Variants in NBPF8 observed in about 807,000 individuals in gnomAD.
NBPF8 encodes NBPF member 8.
intron 11 of NBPF8, among the ~76,000 whole-genome samples, chr1:120,450,746 GT>G (rs1661244093): frequency 6.6e-6 from 1 of 152,092 alleles, no homozygotes. Context: ...TCGCATACTT[GT>G]CCTTGAAATT....
intron 21 of NBPF8, among the ~76,000 whole-genome samples, chr1:120,463,389 A>G (rs1256418770): frequency 9.0e-6 from 1 of 110,628 alleles, no homozygotes; most frequent in African/African-American, 4.2e-5. Context: ...CATCTGGGGC[A>G]TTTTCTTTGA....
intron 8 of NBPF8, among the ~76,000 whole-genome samples, chr1:120,446,249 C>T (rs1661158524): frequency 8.1e-6 from 1 of 123,494 alleles, no homozygotes; most frequent in Non-Finnish European, 1.7e-5. Flanking sequence ...TCCCTCCTTC[C>T]TTGATGGAAG....
intron 3 of NBPF8, among the ~76,000 whole-genome samples, chr1:120,430,436 A>G (rs2101557282): frequency 9.1e-6 from 1 of 110,026 alleles, no homozygotes; most frequent in Non-Finnish European, 1.9e-5. Flanking sequence ...TTAAAGTAAC[A>G]TCTAAATACA....
At chr1:120,422,716 A>G (rs1660609086) in intron 1 of NBPF8, among the ~76,000 whole-genome samples, 1 of 140,242 alleles carries the variant, frequency 7.1e-6, no homozygotes, top group Non-Finnish European at 1.5e-5. Context: ...TTTTGAATGA[A>G]CTTAAGTTTT....
upstream of NBPF8, chr1:120,432,399 A>ATT (rs1446656255): frequency 1.2e-5 from 1 of 81,168 alleles, no homozygotes; most frequent in African/African-American, 5.9e-5. Flanking sequence ...TCCTCTTAAT[A>ATT]TTTAATTGAA....
chr1:120,449,448 T>C (rs781783105), intron 11 of NBPF8, 46 bp downstream of exon 9: 2 of 1,436,476 alleles, frequency 1.4e-6, no homozygotes. Flanking sequence ...AATGATATCC[T>C]GTCTTCTCTC....
chr1:120,415,989 G>C (rs1211536360), upstream of NBPF8, among the ~76,000 whole-genome samples: 1 of 152,160 alleles, frequency 6.6e-6, no homozygotes, highest in African/African-American at 2.4e-5. Flanking sequence ...TTTGCTGCTA[G>C]AGCTGCTTTC....
rs1283159096 is a variant in NBPF8 at position 120,461,050 on chromosome 1, G to C, written n.2837-204G>C. Reference sequence around the variant, plus strand: ...TGTGTGTGTGTGTGTGTGTGTGTGTGTGTGTGTGTGTGTGTCTTTCTCTTT... The same window carrying C: ...TGTGTGTGTGTGTGTGTGTGTGTGTCTGTGTGTGTGTGTGTCTTTCTCTTT... On this transcript the variant is annotated intron_variant and non_coding_transcript_variant, in intron 18 of 24. Transcript: ENST00000583271. Among the ~76,000 whole-genome samples the C allele has an allele frequency of 6.1e-4, 72 of 117,608 alleles. 1 individual carries two copies. The highest frequency in any genetic ancestry group is 2.1e-3 in the African/African-American group (71 of 33,776). The allele number at this position is 117,608 out of a possible 152,430, so 77.2% of individuals were successfully genotyped here. A position where few individuals can be genotyped will look rare whatever the true frequency, so the allele number is the denominator to read the frequency against.
upstream of NBPF8, chr1:120,433,034 G>A (rs1660928787): frequency 6.6e-6 from 1 of 152,276 alleles, no homozygotes; most frequent in South Asian, 2.1e-4. Context: ...AATGAAGCAG[G>A]TACAAGGCCC....
intron 20 of NBPF8, 52 bp downstream of exon 18, chr1:120,462,249 C>G (rs1170304922): frequency 5.7e-6 from 4 of 696,222 alleles, no homozygotes; most frequent in Non-Finnish European, 1.0e-5. Flanking sequence ...CCTGGAGATG[C>G]CAGGTCCAGG....
chr1:120,424,698 TTGGC>T (rs1660664204), intron 1 of NBPF8, among the ~76,000 whole-genome samples: 2 of 139,600 alleles, frequency 1.4e-5, no homozygotes, highest in Non-Finnish European at 3.3e-5. Flanking sequence ...TCCACCTGCC[TTGGC>T]CTCTCAAAGT....
upstream of NBPF8, among the ~76,000 whole-genome samples, chr1:120,418,775 T>G (rs1303637156): frequency 1.4e-5 from 2 of 147,108 alleles, no homozygotes; most frequent in Non-Finnish European, 3.0e-5. Flanking sequence ...TTCAAACTCC[T>G]GGGCTCAAAT....
chr1:120,433,583 T>C (rs1660970827), upstream of NBPF8: 1 of 160,888 alleles, frequency 6.2e-6, no homozygotes, highest in Admixed American at 6.5e-5. Context: ...GAAATTAAAA[T>C]GGTGTGTGTA....
chr1:120,453,640 C>T (rs1661349112), intron 14 of NBPF8, among the ~76,000 whole-genome samples, 196 bp downstream of exon 12: 1 of 151,820 alleles, frequency 6.6e-6, no homozygotes. Context: ...CATGTCTGTA[C>T]CGTACAGGGA....
chr1:120,456,308 C>T (rs1340933462), intron 16 of NBPF8, among the ~76,000 whole-genome samples: 2 of 150,450 alleles, frequency 1.3e-5, no homozygotes, highest in East Asian at 1.9e-4. Flanking sequence ...GAGTTCAAGT[C>T]CTGGATATCC....
In NBPF8 at chr1:120,463,070, C is replaced by T. The variant is rs1413587309; in HGVS notation, n.3234+104C>T. The T allele has an allele frequency of 1.0e-4, 68 of 668,860 alleles. 1 individual carries two copies. Among genetic ancestry groups the T allele is most frequent in the African/African-American group, 1.4e-4 (8 of 55,202 alleles). The allele number at this position is 668,860 out of a possible 1,614,324, so 41.4% of individuals were successfully genotyped here. A position where few individuals can be genotyped will look rare whatever the true frequency, so the allele number is the denominator to read the frequency against. On this transcript the variant is annotated intron_variant and non_coding_transcript_variant, in intron 21 of 24. Transcript: ENST00000583271. ...TTACTGACCCGAGAGATGTCATTGC[C>T]GCAGGCAGGACCTATGGGCGCATAT...
At chr1:120,463,918 C>T (rs1661658406) in intron 22 of NBPF8, among the ~76,000 whole-genome samples, 191 bp downstream of exon 20, 3 of 29,350 alleles carry the variant, frequency 1.0e-4, no homozygotes, top group South Asian at 1.7e-3. Context: ...TTCTCATTTA[C>T]TAACCTACTG....
intron 1 of NBPF8, among the ~76,000 whole-genome samples, chr1:120,425,352 T>C (rs1448752139): frequency 2.6e-5 from 4 of 152,118 alleles, no homozygotes; most frequent in African/African-American, 7.2e-5. Context: ...AGGTGGGACA[T>C]GCTGGCAGCA....
chr1:120,433,459 T>A (rs1374842790), upstream of NBPF8: 7 of 152,760 alleles, frequency 4.6e-5, no homozygotes, highest in African/African-American at 1.7e-4. Flanking sequence ...AACAAAAAAG[T>A]TTTCCAGCCA....
Sources: allele counts gnomAD v4.1 joint callset (sites outside exome capture counted in the v4.1 genomes callset), GRCh38; gene constraint gnomAD v4.1.1; transcripts MANE v1.5; gene names NCBI Gene and HGNC (gene_info 2026-07-23, HGNC 2026-07-21).